The following DNAH1 variants were observed in gnomAD, a reference collection of about 807,000 sequenced individuals.
DNAH1 encodes axonemal beta dynein heavy chain 1.
In DNAH1, 327 loss-of-function variants were observed where a neutral mutation model predicts 484.3. The ratio of observed to expected loss-of-function variants is 0.68; its 90% CI spans 0.62 to 0.74. DNAH1 has a LOEUF of 0.74. Ranked by LOEUF, DNAH1 falls within the 30% of genes least tolerant of loss-of-function variation. DNAH1 has a pLI of 0.00. For synonymous variants in DNAH1, 2,192 were observed against 2,191.9 expected (o/e 1.00, Z 0.00); for missense variants, 5,052 against 5,546.8 (o/e 0.91, Z 2.83).
In DNAH1 at chr3:52,362,904, C is replaced by T; in HGVS notation, c.5095-91C>T. The T allele has an allele frequency of 4.5e-6, 7 of 1,559,946 alleles. No individual in the cohort carries two copies. Among genetic ancestry groups the T allele is most frequent in the Non-Finnish European group, 5.2e-6 (6 of 1,144,822 alleles). ...TGGCAGGCTTGGTGCAGCAGGGAGT[C>T]CCAGCGTGTTAGGGAGGAGGGCCGG... is the stretch of plus-strand genomic sequence containing the variant. On this transcript the variant is annotated intron_variant, in intron 31 of 77. Transcript: ENST00000420323. The surrounding 1 kb of genome is among the most constrained non-coding windows in gnomAD (Gnocchi z 5.1).
intron 8 of DNAH1, among the ~76,000 whole-genome samples, chr3:52,332,700 C>T (rs528033255): frequency 6.6e-6 from 1 of 152,266 alleles, no homozygotes; most frequent in South Asian, 2.1e-4. Context: ...AAGCTAATTC[C>T]TGTGTCGCCT....
Position 52,396,886 on chromosome 3 carries a change from G to A in DNAH1, c.11629G>A (p.Gly3877Arg). 1 of 1,606,282 alleles carries A rather than the reference G, an allele frequency of 6.2e-7. No homozygotes were observed. Among genetic ancestry groups the A allele is most frequent in the Non-Finnish European group, 8.5e-7 (1 of 1,176,482 alleles). ...CCCATAGGTCCTCAAGTACACGGCA[G>A]GGGAGATCAATTACGGGGGCCGTGT... ...IPYKVLKYTA[G>R]EINYGGRVTD... Residue 3877 changes from glycine to arginine, a missense_variant, in exon 73 of 78, where the codon GGG becomes AGG. Coordinates refer to ENST00000420323, the MANE Select transcript of DNAH1 (RefSeq NM_015512.5).
At chr3:52,389,628 G>T (rs1704283028) in intron 60 of DNAH1, 42 bp downstream of exon 60, 1 of 1,373,552 alleles carries the variant, frequency 7.3e-7, no homozygotes, top group Non-Finnish European at 9.4e-7. Context: ...AGGGCCTGTG[G>T]TGTGGTCCAG....
chr3:52,366,690 C>T, intron 35 of DNAH1, 43 bp from the exon 36 acceptor site: 2 of 1,590,332 alleles, frequency 1.3e-6, no homozygotes, highest in Non-Finnish European at 1.7e-6. Context: ...CCACTCTAGC[C>T]CTGCTCTCTG....
At chr3:52,327,853 C>T (rs771502349) in intron 5 of DNAH1, 29 bp from the exon 6 acceptor site, 13 of 1,609,136 alleles carry the variant, frequency 8.1e-6, no homozygotes, top group Non-Finnish European at 1.0e-5. Context: ...GGAGCTGCTT[C>T]TTCCCAATGT....
intron 9 of DNAH1, 100 bp from the exon 10 acceptor site, chr3:52,345,393 GGC>G: frequency 1.0e-6 from 1 of 963,644 alleles, no homozygotes; most frequent in Non-Finnish European, 1.6e-6. Flanking sequence ...TCAGGGAGAA[GGC>G]AGGAGTCATG....
rs187214467 is a variant in DNAH1 at position 52,332,900 on chromosome 3, A to G, written c.1286+506A>G. 8.5e-5 allele frequency among the ~76,000 whole-genome samples: 13 copies of G among 152,194 alleles called. No homozygotes were observed. The East Asian group carries it at 2.3e-3, about 27-fold the overall frequency. ...TTATTATTTTAGTTTATTTTTTGAGACAGGTTCTTACTCTGTCACCCAGGC... is the reference window on the plus strand; with the variant it reads ...TTATTATTTTAGTTTATTTTTTGAGGCAGGTTCTTACTCTGTCACCCAGGC... On this transcript the variant is annotated intron_variant, in intron 8 of 77. Coordinates refer to ENST00000420323, the MANE Select transcript of DNAH1 (RefSeq NM_015512.5).
intron 1 of DNAH1, chr3:52,317,739 G>A (rs1700999095): frequency 1.3e-5 from 2 of 152,304 alleles, no homozygotes; most frequent in South Asian, 4.1e-4. Flanking sequence ...CTGGGCGGAA[G>A]TAACCGAGAC....
In DNAH1 at chr3:52,356,748, G is replaced by A. The variant is rs1291907708; in HGVS notation, c.3828G>A (p.Lys1276=). 6.2e-7 allele frequency: 1 copy of A among 1,612,856 alleles called. No homozygotes were observed. The highest frequency in any genetic ancestry group is 1.3e-5 in the African/African-American group (1 of 74,910). ...AGACCATGGAGCGGATCTGGAAGAA[G>A]ATCATGAAGAATGCCTACGAGAACC... is the stretch of plus-strand genomic sequence containing the variant. The part of the protein sequence containing the change: ...RYQTMERIWK[K]IMKNAYENRE... The change falls in exon 22 of 78, where the codon AAG becomes AAA. Residue 1276 remains lysine, a synonymous_variant. Coordinates refer to ENST00000420323, the MANE Select transcript of DNAH1 (RefSeq NM_015512.5).
In DNAH1 at chr3:52,398,987, G is replaced by C; in HGVS notation, c.12227G>C (p.Ser4076Thr). The change falls in exon 76 of 78, where the codon AGT becomes ACT. Residue 4076 changes from serine (S) to threonine (T), a missense_variant. Coordinates refer to ENST00000420323, the MANE Select transcript of DNAH1 (RefSeq NM_015512.5). ...LYNNTVPELWSAKAYPSLKPL... is the reference protein window; with the variant it reads ...LYNNTVPELWTAKAYPSLKPL... ...AACAATACTGTGCCTGAGCTCTGGA[G>C]TGCCAAGGCCTACCCATCGCTCAAG... 6.2e-7 allele frequency: 1 copy of C among 1,613,984 alleles called. No individual in the cohort carries two copies. Among genetic ancestry groups the C allele is most frequent in the South Asian group, 1.1e-5 (1 of 91,090 alleles).
intron 44 of DNAH1, chr3:52,374,842 A>G: frequency 9.0e-7 from 1 of 1,112,116 alleles, no homozygotes; most frequent in Non-Finnish European, 1.4e-6. Context: ...GTACGAGAAG[A>G]AGCATGGGTT....
intron 44 of DNAH1, chr3:52,373,837 C>T: frequency 6.4e-6 from 9 of 1,412,610 alleles, no homozygotes; most frequent in Non-Finnish European, 9.0e-6. Flanking sequence ...CCTGTTTACC[C>T]AGAAGTAGTC....
rs1702731490 is a variant in DNAH1 at position 52,358,852 on chromosome 3, G to A, written c.4266+115G>A. The A allele has an allele frequency of 8.1e-7, 1 of 1,235,906 alleles. No homozygotes were observed. The highest frequency in any genetic ancestry group is 1.1e-6 in the Non-Finnish European group (1 of 885,590). The allele number at this position is 1,235,906 out of a possible 1,614,324, so 76.6% of individuals were successfully genotyped here. A position where few individuals can be genotyped will look rare whatever the true frequency, so the allele number is the denominator to read the frequency against. The stretch of plus-strand genomic sequence containing the variant: ...AGGCTGCAGCCCTGAGGTCCCTGGG[G>A]GCTCAGGCGGGATTCTGGAGTCTTT... On this transcript the variant is annotated intron_variant, in intron 25 of 77. Transcript: ENST00000420323. This position sits in a 1 kb window ranked among gnomAD's most constrained non-coding sequence, Gnocchi z 4.2.
intron 39 of DNAH1, 116 bp from the exon 40 acceptor site, chr3:52,370,361 T>C: frequency 1.3e-6 from 2 of 1,548,884 alleles, no homozygotes; most frequent in Non-Finnish European, 1.8e-6. Flanking sequence ...ACCTGTCCAA[T>C]TGGCTGTAGA....
At chr3:52,343,519 A>G (rs1702024411) in intron 8 of DNAH1, among the ~76,000 whole-genome samples, 1 of 152,042 alleles carries the variant, frequency 6.6e-6, no homozygotes, top group Admixed American at 6.6e-5. Context: ...GGTGAGAGAG[A>G]GTCTTTTCCA....
intron 12 of DNAH1, 71 bp downstream of exon 12, chr3:52,348,045 GTGC>G: frequency 6.7e-7 from 1 of 1,491,776 alleles, no homozygotes; most frequent in Non-Finnish European, 9.0e-7. Flanking sequence ...TGAGCTCAGG[GTGC>G]TGCCACAGTT....
rs1704704960 is a variant in DNAH1, at chr3:52,397,836, C to T, written c.11917C>T (p.Gln3973Ter). The T allele has an allele frequency of 6.2e-7, 1 of 1,611,288 alleles. No individual in the cohort carries two copies. Among genetic ancestry groups the T allele is most frequent in the Non-Finnish European group, 8.5e-7 (1 of 1,178,532 alleles). The change falls in exon 74 of 78, where the codon CAA (glutamine) becomes TAA (stop). Residue 3973 changes from glutamine to a stop codon, truncating the protein, a stop_gained. Transcript: ENST00000420323. LOFTEE classifies it high-confidence loss of function. ...FALLGTIIQLQPKSSSAGSQG... is the reference protein window; with the variant it reads ...FALLGTIIQL ...CCTCCTGGGCACCATCATCCAGCTG[C>T]AACCCAAATCATCTTCTGCAGGCAG...
At position 52,354,973 on chromosome 3, in the gene DNAH1, C is replaced by A. The variant is rs773173264; in HGVS notation, c.3611C>A (p.Thr1204Asn). 4.0e-5 allele frequency: 64 copies of A among 1,614,000 alleles called. No homozygotes were observed. Among genetic ancestry groups the A allele is most frequent in the Non-Finnish European group, 5.3e-5 (62 of 1,179,898 alleles). The change falls in exon 21 of 78, where the codon ACC becomes AAC. Residue 1204 changes from threonine to asparagine, a missense_variant. Around this residue, in one of 4 missense-constraint regions of DNAH1, gnomAD observed 2,929 missense variants for 3,409.4 expected, o/e 0.86. Transcript: ENST00000420323. ...CTGCTGGACGACCACATCGTCATGACCCAGAATATGTCATTTTCACCCTAC... is the reference window on the plus strand; with the variant it reads ...CTGCTGGACGACCACATCGTCATGAACCAGAATATGTCATTTTCACCCTAC... ...SQLLDDHIVM[T>N]QNMSFSPYKK...
rs1293572954 is a variant in DNAH1 at position 52,368,952 on chromosome 3, C to T, written c.5943+34C>T. 1 of 1,603,612 alleles carries T rather than the reference C, an allele frequency of 6.2e-7. No individual in the cohort carries two copies. Among genetic ancestry groups the T allele is most frequent in the South Asian group, 1.1e-5 (1 of 90,762 alleles). On this transcript the variant is annotated intron_variant, in intron 37 of 77. Transcript: ENST00000420323. The surrounding 1 kb of genome is among the most constrained non-coding windows in gnomAD (Gnocchi z 4.4). ...ACCTGTCCACCTGCCCACTCTCCTCCAAGGCTGGGTGGGCCTGGAGGCTGC... is the reference window on the plus strand; with the variant it reads ...ACCTGTCCACCTGCCCACTCTCCTCTAAGGCTGGGTGGGCCTGGAGGCTGC...
Sources: allele counts gnomAD v4.1 joint callset (sites outside exome capture counted in the v4.1 genomes callset), GRCh38; gene constraint gnomAD v4.1.1; regional missense constraint gnomAD v4.1.1; non-coding constraint Gnocchi (gnomAD v3.1); transcripts MANE v1.5; gene names NCBI Gene and HGNC (gene_info 2026-07-23, HGNC 2026-07-21).